Variants in ZFPM2 observed in about 807,000 individuals in gnomAD.
ZFPM2 encodes zinc finger protein ZFPM2.
Under a neutral mutation model 98.6 loss-of-function variants are expected in ZFPM2, and 20 were observed. The ratio of observed to expected loss-of-function variants is 0.20; its 90% CI spans 0.14 to 0.29. The LOEUF is 0.29. Ranked by LOEUF, ZFPM2 falls within the 10% of genes least tolerant of loss-of-function variation. The pLI is 1.00. For synonymous variants in ZFPM2, 518 were observed against 502.7 expected, an observed-to-expected ratio of 1.03 and a Z score of -0.41; for missense variants, 1,310 against 1,388.6, an observed-to-expected ratio of 0.94 and a Z score of 0.90.
intron 5 of ZFPM2, among the ~76,000 whole-genome samples, chr8:105,649,077 T>C (rs1817114722): frequency 6.6e-6 from 1 of 152,206 alleles, no homozygotes; most frequent in South Asian, 2.1e-4. Flanking sequence ...GTAGTTCTCC[T>C]TGAAGAGGTC....
intron 1 of ZFPM2, among the ~76,000 whole-genome samples, chr8:105,391,239 T>G (rs144310063): frequency 1.3e-5 from 2 of 152,212 alleles, no homozygotes; most frequent in Non-Finnish European, 2.9e-5. Flanking sequence ...CACAATGTAT[T>G]GGACTTTCCC....
At chr8:105,669,534 GCA>G (rs1491529049) in intron 5 of ZFPM2, among the ~76,000 whole-genome samples, 3 of 128,508 alleles carry the variant, frequency 2.3e-5, no homozygotes, top group African/African-American at 6.1e-5. Flanking sequence ...CTGAAAGTGT[GCA>G]TGTGTGTGTG....
chr8:105,378,859 C>T (rs1810783297), intron 1 of ZFPM2, among the ~76,000 whole-genome samples: 1 of 151,952 alleles, frequency 6.6e-6, no homozygotes, highest in African/African-American at 2.4e-5. Flanking sequence ...AAATTTAAGA[C>T]ATTTAATTAA....
intron 1 of ZFPM2, among the ~76,000 whole-genome samples, chr8:105,355,700 A>G (rs1050777933): frequency 9.9e-5 from 15 of 152,190 alleles, no homozygotes; most frequent in African/African-American, 3.1e-4. Context: ...AAGCCCATTC[A>G]TGTATTGCCA....
At chr8:105,512,993 A>C (rs187353198) in intron 3 of ZFPM2, among the ~76,000 whole-genome samples, 4 of 152,146 alleles carry the variant, frequency 2.6e-5, no homozygotes, top group Admixed American at 2.6e-4. Flanking sequence ...CTTTAAAGGT[A>C]TTATTCTAGT....
intron 5 of ZFPM2, among the ~76,000 whole-genome samples, chr8:105,772,085 T>C (rs1261989370): frequency 6.6e-6 from 1 of 152,180 alleles, no homozygotes; most frequent in Non-Finnish European, 1.5e-5. Context: ...TTCCATTTGC[T>C]TTCATGGAAC....
At chr8:105,620,285 A>T (rs994219145) in intron 4 of ZFPM2, among the ~76,000 whole-genome samples, 1 of 152,168 alleles carries the variant, frequency 6.6e-6, no homozygotes, top group African/African-American at 2.4e-5. Context: ...ATGGCCAGTG[A>T]TGATGAGCAT....
intron 5 of ZFPM2, among the ~76,000 whole-genome samples, chr8:105,765,126 A>G (rs1479711432): frequency 6.6e-6 from 1 of 151,762 alleles, no homozygotes; most frequent in Non-Finnish European, 1.5e-5. Flanking sequence ...TTTAGCATAA[A>G]CTATCCTTTA....
intron 1 of ZFPM2, among the ~76,000 whole-genome samples, chr8:105,405,358 C>T (rs1042410447): frequency 2.6e-5 from 4 of 151,540 alleles, no homozygotes; most frequent in African/African-American, 7.3e-5. Flanking sequence ...TATACATGTG[C>T]CATGTTGGTG....
intron 4 of ZFPM2, among the ~76,000 whole-genome samples, chr8:105,614,095 A>G (rs17218235): frequency 0.18 from 26,810 of 152,114 alleles, 2,639 homozygotes; most frequent in South Asian, 0.26. Context: ...CCTTCAACAC[A>G]TCTCTTAGTT....
chr8:105,713,755 A>T (rs1197747343), intron 5 of ZFPM2, among the ~76,000 whole-genome samples: 2 of 152,016 alleles, frequency 1.3e-5, no homozygotes, highest in African/African-American at 4.8e-5. Context: ...CATTGTTGAA[A>T]ATCAGATGGT....
At chr8:105,408,416 T>C (rs1451356301) in intron 1 of ZFPM2, among the ~76,000 whole-genome samples, 1 of 151,884 alleles carries the variant, frequency 6.6e-6, no homozygotes, top group Non-Finnish European at 1.5e-5. Context: ...TCCGTGTTGA[T>C]ATGTGTCCTA....
intron 3 of ZFPM2, among the ~76,000 whole-genome samples, chr8:105,478,893 T>TA (rs1813063036): frequency 6.6e-6 from 1 of 152,196 alleles, no homozygotes; most frequent in Non-Finnish European, 1.5e-5. Flanking sequence ...GGAATGCTAC[T>TA]AAAGTCTATC....
intron 1 of ZFPM2, among the ~76,000 whole-genome samples, chr8:105,406,744 T>G (rs1235545949): frequency 6.6e-6 from 1 of 152,012 alleles, no homozygotes; most frequent in Non-Finnish European, 1.5e-5. Context: ...CTTGAAAGGC[T>G]ACATTTTAAT....
chr8:105,327,220 ACATAGATTTTTT>A (rs1180229589), intron 1 of ZFPM2, among the ~76,000 whole-genome samples: 1 of 151,676 alleles, frequency 6.6e-6, no homozygotes, highest in African/African-American at 2.4e-5. Flanking sequence ...AAGTTAATCT[ACATAGATTTTTT>A]CAGTAATAAT....
chr8:105,803,805 C>T lies in ZFPM2; in HGVS notation c.*267C>T. ...TTATTTAAAAACTTTATATTAAAGT[C>T]ATTTGTAATGTTATTGTATAGTTAT... is the stretch of plus-strand genomic sequence containing the variant. On this transcript the variant is annotated 3_prime_UTR_variant, in exon 8 of 8. Coordinates refer to ENST00000407775, the MANE Select transcript of ZFPM2 (RefSeq NM_012082.4). 1 of 400,304 alleles carries T rather than the reference C, an allele frequency of 2.5e-6. No individual in the cohort carries two copies. Among genetic ancestry groups the T allele is most frequent in the South Asian group, 3.1e-5 (1 of 32,652 alleles). 24.8% of individuals were successfully genotyped at this position (400,304 alleles called of 1,614,324 possible).
At chr8:105,723,513 T>C (rs1811721590) in intron 5 of ZFPM2, among the ~76,000 whole-genome samples, 2 of 151,846 alleles carry the variant, frequency 1.3e-5, no homozygotes. Flanking sequence ...GCCAGGGACA[T>C]TGTTCAATAT....
At chr8:105,575,320 T>C (rs1365044156) in intron 4 of ZFPM2, among the ~76,000 whole-genome samples, 1 of 152,144 alleles carries the variant, frequency 6.6e-6, no homozygotes, top group Non-Finnish European at 1.5e-5. Context: ...CAATGAGCCG[T>C]TGTATCACCC....
intron 5 of ZFPM2, among the ~76,000 whole-genome samples, chr8:105,715,088 A>G (rs533548204): frequency 2.0e-5 from 3 of 152,154 alleles, no homozygotes; most frequent in African/African-American, 7.2e-5. Context: ...TTGCAACCGT[A>G]GATTGGCTAT....
Sources: allele counts gnomAD v4.1 joint callset (sites outside exome capture counted in the v4.1 genomes callset), GRCh38; gene constraint gnomAD v4.1.1; transcripts MANE v1.5; gene names NCBI Gene and HGNC (gene_info 2026-07-23, HGNC 2026-07-21).